Variants in STK24 observed in about 807,000 individuals in gnomAD.
STK24 encodes the protein serine/threonine-protein kinase 24.
Under a neutral mutation model 55.6 loss-of-function variants are expected in STK24, and 21 were observed. The ratio of observed to expected loss-of-function variants is 0.38; its 90% CI spans 0.27 to 0.54. STK24 has a LOEUF of 0.54. STK24 is among the 20% of genes least tolerant of loss of function. The pLI is 0.79. For missense variants in STK24, 383 were observed against 538.4 expected, an observed-to-expected ratio of 0.71 and a Z score of 2.86; for synonymous variants, 200 against 215.2, an observed-to-expected ratio of 0.93 and a Z score of 0.62.
intron 1 of STK24, among the ~76,000 whole-genome samples, chr13:98,546,058 GA>G (rs752292193): frequency 1.3e-5 from 2 of 152,200 alleles, no homozygotes; most frequent in Non-Finnish European, 2.9e-5. Flanking sequence ...TTTCACTGAT[GA>G]AGGCTAAGAG....
At chr13:98,494,174 G>A (rs1194271280) in intron 2 of STK24, among the ~76,000 whole-genome samples, 4 of 145,714 alleles carry the variant, frequency 2.7e-5, no homozygotes, top group African/African-American at 5.0e-5. Context: ...CACTTTGGGA[G>A]GCCGAGGCGG....
chr13:98,499,322 C>T (rs549829762), intron 2 of STK24, among the ~76,000 whole-genome samples: 1 of 152,154 alleles, frequency 6.6e-6, no homozygotes, highest in Non-Finnish European at 1.5e-5. Flanking sequence ...CCCAGACGCA[C>T]GGCAGAGGGA....
rs1892771857 is a variant in STK24, at chr13:98,445,512, C to T, written c.*7661G>A. 1 of 152,314 alleles carries T rather than the reference C, an allele frequency of 6.6e-6. No individual in the cohort carries two copies. The highest frequency in any genetic ancestry group is 2.4e-5 in the African/African-American group (1 of 41,448). The allele number at this position is 152,314 out of a possible 1,614,324, so 9.4% of individuals were successfully genotyped here. A position where few individuals can be genotyped will look rare whatever the true frequency, so the allele number is the denominator to read the frequency against. ...AGGGCTGCAACTGCCTCCTGGGCCA[C>T]TAGAGGGCATGTGGGAGCCACTCAC... On this transcript the variant is annotated 3_prime_UTR_variant, in exon 11 of 11. Coordinates refer to ENST00000539966, the MANE Select transcript of STK24 (RefSeq NM_001032296.4).
intron 2 of STK24, among the ~76,000 whole-genome samples, chr13:98,514,815 T>A (rs1895999049): frequency 6.6e-6 from 1 of 152,238 alleles, no homozygotes; most frequent in Non-Finnish European, 1.5e-5. Context: ...ATTTTAAGAC[T>A]TGTGAATTTT....
Position 98,446,337 on chromosome 13 carries a change from C to CG in STK24, c.*6835dup, listed in dbSNP as rs1322099272. The CG allele has an allele frequency of 9.4e-6, 6 of 641,492 alleles. No homozygotes were observed. Among genetic ancestry groups the CG allele is most frequent in the South Asian group, 7.6e-5 (4 of 52,932 alleles). The allele number at this position is 641,492 out of a possible 1,614,324, so 39.7% of individuals were successfully genotyped here. On this transcript the variant is annotated 3_prime_UTR_variant, in exon 11 of 11. Coordinates refer to ENST00000539966, the MANE Select transcript of STK24 (RefSeq NM_001032296.4). ...GTCACGGGGATGACAGGGATGCTGG[C>CG]GGGGGGCCCTGTCCACCCGAGGCCC...
At chr13:98,555,975 C>A (rs780086737) in intron 1 of STK24, among the ~76,000 whole-genome samples, 3 of 150,988 alleles carry the variant, frequency 2.0e-5, no homozygotes, top group Admixed American at 6.6e-5. Context: ...AGCCACCGTG[C>A]GGGCTACCAG....
chr13:98,495,734 G>A (rs528967683), intron 2 of STK24, among the ~76,000 whole-genome samples: 161 of 152,172 alleles, frequency 1.1e-3, no homozygotes, highest in African/African-American at 3.7e-3. Context: ...TATTATCTTC[G>A]GCACTAAGCC....
chr13:98,552,657 T>G (rs1897184988), intron 1 of STK24, among the ~76,000 whole-genome samples: 1 of 151,990 alleles, frequency 6.6e-6, no homozygotes, highest in Non-Finnish European at 1.5e-5. Flanking sequence ...GAGGGCGCCT[T>G]GAGAACCCCA....
intron 2 of STK24, among the ~76,000 whole-genome samples, chr13:98,489,449 C>G (rs1299788324): frequency 6.6e-6 from 1 of 152,238 alleles, no homozygotes; most frequent in Non-Finnish European, 1.5e-5. Flanking sequence ...ACTGATTCAT[C>G]TAACACATAA....
chr13:98,469,534 T>TTCC (rs768326491), intron 5 of STK24, among the ~76,000 whole-genome samples: 32 of 126,424 alleles, frequency 2.5e-4, no homozygotes, highest in Non-Finnish European at 4.9e-4. Context: ...AGACCCTGCA[T>TTCC]CCCCCCCCCC....
At chr13:98,455,340 G>C (rs55929646) in intron 10 of STK24, 4 of 152,086 alleles carry the variant, frequency 2.6e-5, no homozygotes, top group Admixed American at 2.6e-4. Context: ...TCCTCAGCTC[G>C]AACAATTCTG....
At chr13:98,498,789 TG>T (rs1895339552) in intron 2 of STK24, among the ~76,000 whole-genome samples, 1 of 152,012 alleles carries the variant, frequency 6.6e-6, no homozygotes, top group African/African-American at 2.4e-5. Flanking sequence ...TGCAGACCCA[TG>T]GCAGACACAG....
At chr13:98,555,822 A>C (rs1341988046) in intron 1 of STK24, among the ~76,000 whole-genome samples, 2 of 150,432 alleles carry the variant, frequency 1.3e-5, no homozygotes, top group Non-Finnish European at 3.0e-5. Context: ...CTGGGACTAC[A>C]GGTGCCCGCC....
chr13:98,501,757 T>C (rs1345167972), intron 2 of STK24, among the ~76,000 whole-genome samples: 1 of 152,190 alleles, frequency 6.6e-6, no homozygotes, highest in African/African-American at 2.4e-5. Flanking sequence ...TCATGTATCA[T>C]CTCTACGGTG....
At chr13:98,528,377 GT>G (rs1233021085) in intron 1 of STK24, among the ~76,000 whole-genome samples, 1 of 152,040 alleles carries the variant, frequency 6.6e-6, no homozygotes, top group African/African-American at 2.4e-5. Flanking sequence ...ACAAAACATG[GT>G]CCCCTCAGCC....
chr13:98,488,596 A>G (rs1172859471), intron 2 of STK24, among the ~76,000 whole-genome samples: 3 of 152,144 alleles, frequency 2.0e-5, no homozygotes, highest in Non-Finnish European at 4.4e-5. Context: ...TAGGAGCTGC[A>G]AACACTAGCT....
At chr13:98,461,937 C>T in intron 7 of STK24, 40 bp from the exon 8 acceptor site, 1 of 1,608,292 alleles carries the variant, frequency 6.2e-7, no homozygotes, top group African/African-American at 1.3e-5. Context: ...AGTGCTCGCA[C>T]ACCTGCTCTG....
intron 1 of STK24, among the ~76,000 whole-genome samples, chr13:98,540,378 A>G (rs558297389): frequency 8.5e-5 from 13 of 152,342 alleles, no homozygotes; most frequent in African/African-American, 3.1e-4. Context: ...AAGCTGTTTC[A>G]AAGAAAAACT....
At chr13:98,464,242 C>A (rs1382847193) in intron 6 of STK24, among the ~76,000 whole-genome samples, 1 of 151,764 alleles carries the variant, frequency 6.6e-6, no homozygotes, top group Non-Finnish European at 1.5e-5. Context: ...ATGGTGAAAC[C>A]CCGTCTTTAC....
Sources: allele counts gnomAD v4.1 joint callset (sites outside exome capture counted in the v4.1 genomes callset), GRCh38; gene constraint gnomAD v4.1.1; transcripts MANE v1.5; gene names NCBI Gene and HGNC (gene_info 2026-07-23, HGNC 2026-07-21).